Variants in IL1RAPL1 observed in about 807,000 individuals in gnomAD.
IL1RAPL1 encodes interleukin-1 receptor accessory protein-like 1.
A neutral mutation model predicts 48.4 loss-of-function variants in IL1RAPL1; 3 were observed. The observed-to-expected ratio is 0.06, with a 90% CI of 0.03 to 0.16. The LOEUF (loss-of-function observed/expected upper bound fraction) is 0.16. Among genes scored for constraint, IL1RAPL1 ranks in the 10% least tolerant of loss-of-function variants. The pLI, the probability that IL1RAPL1 is intolerant of heterozygous loss-of-function variation, is 1.00. For missense variants in IL1RAPL1, 349 were observed against 530.6 expected (o/e 0.66, Z 3.36); for synonymous variants, 185 against 187.7 (o/e 0.99, Z 0.12).
rs1229394482 is a variant in IL1RAPL1 at position 28,956,621 on chromosome X, C to G, written c.82+167196C>G. Reference sequence around the variant, plus strand: ...ATCCCAGGGATGAAGCCCACTTGATCATGGTGGATAAGCTTTTTGATGTGC... The same window carrying G: ...ATCCCAGGGATGAAGCCCACTTGATGATGGTGGATAAGCTTTTTGATGTGC... On this transcript the variant is annotated intron_variant, in intron 2 of 10. Coordinates refer to ENST00000378993, the MANE Select transcript of IL1RAPL1 (RefSeq NM_014271.4). Among the ~76,000 whole-genome samples the G allele has an allele frequency of 1.1e-3, 109 of 101,038 alleles. 1 individual carries two copies. The highest frequency in any genetic ancestry group is 3.7e-3 in the African/African-American group (104 of 27,929). 87.7% of individuals were successfully genotyped at this position (101,038 alleles called of 115,157 possible).
chrX:29,183,040 A>C (rs777496323), intron 2 of IL1RAPL1, among the ~76,000 whole-genome samples: 2 of 111,649 alleles, frequency 1.8e-5, no homozygotes, highest in Admixed American at 1.9e-4. Flanking sequence ...ATTCCTGCTT[A>C]CCCATTTTAG....
At chrX:29,901,753 A>G (rs1932500184) in intron 6 of IL1RAPL1, among the ~76,000 whole-genome samples, 1 of 111,780 alleles carries the variant, frequency 8.9e-6, no homozygotes, top group Non-Finnish European at 1.9e-5. Context: ...AATGTGTAGG[A>G]CTCTGGAAAG....
chrX:29,387,897 G>A (rs1339928580), intron 3 of IL1RAPL1, among the ~76,000 whole-genome samples: 1 of 108,779 alleles, frequency 9.2e-6, no homozygotes, highest in Admixed American at 9.9e-5. Context: ...GGAGGCTGAG[G>A]CACGATAATT....
At chrX:29,846,803 C>T (rs61362617) in intron 6 of IL1RAPL1, among the ~76,000 whole-genome samples, 3,706 of 15,712 alleles carry the variant, frequency 0.24, 208 homozygotes, top group African/African-American at 0.48. Flanking sequence ...TATGTATATA[C>T]ACACACACAC....
At chrX:28,683,337 A>G (rs773604814) in intron 1 of IL1RAPL1, among the ~76,000 whole-genome samples, 3 of 109,670 alleles carry the variant, frequency 2.7e-5, no homozygotes, top group Non-Finnish European at 5.7e-5. Context: ...AGCATAAAAT[A>G]CAACAGAGAG....
intron 2 of IL1RAPL1, among the ~76,000 whole-genome samples, chrX:29,008,476 C>T (rs1011178130): frequency 2.2e-4 from 24 of 111,528 alleles, no homozygotes; most frequent in African/African-American, 6.8e-4. Context: ...GCGCGTGGCC[C>T]GGGCCAGATA....
At chrX:29,157,320 C>T (rs994835866) in intron 2 of IL1RAPL1, among the ~76,000 whole-genome samples, 14 of 111,466 alleles carry the variant, frequency 1.3e-4, no homozygotes, top group African/African-American at 4.6e-4. Flanking sequence ...AAGGGAAACA[C>T]CTACTCTATC....
chrX:29,733,793 G>A (rs1396327379), intron 6 of IL1RAPL1, among the ~76,000 whole-genome samples: 3 of 112,281 alleles, frequency 2.7e-5, no homozygotes, highest in African/African-American at 9.7e-5. Context: ...TAAGAATTAA[G>A]AAGTCACTGT....
chrX:28,931,440 TC>T (rs1449314804), intron 2 of IL1RAPL1, among the ~76,000 whole-genome samples: 1 of 112,335 alleles, frequency 8.9e-6, no homozygotes, highest in Non-Finnish European at 1.9e-5. Context: ...TGTAAATGAT[TC>T]ACTTTTAAAT....
At chrX:28,805,305 G>A (rs1936718691) in intron 2 of IL1RAPL1, among the ~76,000 whole-genome samples, 1 of 111,633 alleles carries the variant, frequency 9.0e-6, no homozygotes, top group Non-Finnish European at 1.9e-5. Flanking sequence ...AAATTCTGTT[G>A]AGAACTAGTA....
intron 2 of IL1RAPL1, among the ~76,000 whole-genome samples, chrX:28,870,231 C>G (rs1922176035): frequency 9.0e-6 from 1 of 111,257 alleles, no homozygotes; most frequent in Admixed American, 9.6e-5. Context: ...GTTGTCAGTT[C>G]TTCTGGGTAT....
In IL1RAPL1 at chrX:28,970,944, G is replaced by T. The variant is rs745968093; in HGVS notation, c.82+181519G>T. Among the ~76,000 whole-genome samples the T allele has an allele frequency of 2.7e-3, 294 of 110,786 alleles. 2 individuals carry two copies. The highest frequency in any genetic ancestry group is 9.4e-3 in the African/African-American group (288 of 30,520). ...AGCCACATAATACCAGTCTAAAAAA[G>T]CACATGTAGAATATTTATATGTAGT... On this transcript the variant is annotated intron_variant, in intron 2 of 10. Coordinates refer to ENST00000378993, the MANE Select transcript of IL1RAPL1 (RefSeq NM_014271.4).
intron 2 of IL1RAPL1, among the ~76,000 whole-genome samples, chrX:28,995,019 C>T (rs1184460577): frequency 2.7e-5 from 3 of 110,916 alleles, no homozygotes; most frequent in African/African-American, 9.8e-5. Context: ...GGGTTATCTT[C>T]GAAGCCTTTG....
intron 1 of IL1RAPL1, among the ~76,000 whole-genome samples, chrX:28,753,379 G>A (rs760866390): frequency 8.9e-6 from 1 of 112,007 alleles, no homozygotes; most frequent in Admixed American, 9.5e-5. Flanking sequence ...CATACTGCAC[G>A]TACTTGTGTG....
chrX:29,071,788 A>C (rs1159278650), intron 2 of IL1RAPL1, among the ~76,000 whole-genome samples: 1 of 111,891 alleles, frequency 8.9e-6, no homozygotes, highest in Non-Finnish European at 1.9e-5. Flanking sequence ...GATTTATCAG[A>C]GTTGGCACAT....
At chrX:29,801,788 G>A (rs988388114) in intron 6 of IL1RAPL1, among the ~76,000 whole-genome samples, 15 of 111,668 alleles carry the variant, frequency 1.3e-4, no homozygotes, top group African/African-American at 4.6e-4. Flanking sequence ...TGGCATGGTG[G>A]TGGTGTTCCT....
intron 3 of IL1RAPL1, among the ~76,000 whole-genome samples, chrX:29,296,500 T>C (rs1175105410): frequency 9.5e-6 from 1 of 105,355 alleles, no homozygotes; most frequent in African/African-American, 3.3e-5. Flanking sequence ...GAATGAGTAA[T>C]GCATATTCTT....
chrX:29,332,658 T>A (rs9697885), intron 3 of IL1RAPL1, among the ~76,000 whole-genome samples: 1,076 of 93,488 alleles, frequency 0.012, 6 homozygotes, highest in South Asian at 0.037. Context: ...ATTTTATTTT[T>A]TTTTTTTTAT....
At chrX:29,907,041 C>A (rs1457974381) in intron 6 of IL1RAPL1, among the ~76,000 whole-genome samples, 1 of 111,301 alleles carries the variant, frequency 9.0e-6, no homozygotes, top group African/African-American at 3.3e-5. Context: ...CAAGAAAAAG[C>A]AAAGTTAATG....
Sources: allele counts gnomAD v4.1 joint callset (sites outside exome capture counted in the v4.1 genomes callset), GRCh38; gene constraint gnomAD v4.1.1; transcripts MANE v1.5; gene names NCBI Gene and HGNC (gene_info 2026-07-23, HGNC 2026-07-21).